The following MACROD2 variants were observed in gnomAD, a reference collection of about 807,000 sequenced individuals.
The protein encoded by MACROD2 is ADP-ribose glycohydrolase MACROD2.
MACROD2 carries 36 observed loss-of-function variants against 70.4 expected under a neutral mutation model. The observed-to-expected ratio is 0.51, with a 90% CI of 0.39 to 0.68. The LOEUF is 0.68. MACROD2 is among the 30% of genes least tolerant of loss of function. The pLI is 0.00. For missense variants in MACROD2, 496 were observed against 538.4 expected (o/e 0.92, Z 0.78); for synonymous variants, 172 against 178.8 (o/e 0.96, Z 0.30).
intron 5 of MACROD2, among the ~76,000 whole-genome samples, chr20:15,158,822 G>C (rs906166520): frequency 6.6e-6 from 1 of 152,114 alleles, no homozygotes; most frequent in Non-Finnish European, 1.5e-5. Flanking sequence ...GACACTAATG[G>C]AATATAAAGT....
intron 8 of MACROD2, among the ~76,000 whole-genome samples, chr20:15,500,232 G>T (rs1427272260): frequency 6.6e-6 from 1 of 152,128 alleles, no homozygotes; most frequent in Non-Finnish European, 1.5e-5. Flanking sequence ...TACAGTAATT[G>T]TCTGGTATCT....
chr20:15,648,994 A>G (rs1027869657), intron 8 of MACROD2, among the ~76,000 whole-genome samples: 16 of 152,114 alleles, frequency 1.1e-4, no homozygotes, highest in African/African-American at 3.1e-4. Flanking sequence ...GCCTCAGAAT[A>G]GCTTGTTTTA....
chr20:14,834,116 A>G (rs915465215), intron 5 of MACROD2, among the ~76,000 whole-genome samples: 4 of 152,108 alleles, frequency 2.6e-5, no homozygotes, highest in African/African-American at 4.8e-5. Context: ...AGATATGAAA[A>G]CAAAATTTAC....
intron 5 of MACROD2, among the ~76,000 whole-genome samples, chr20:14,785,913 A>G (rs1228961420): frequency 6.6e-6 from 1 of 152,062 alleles, no homozygotes; most frequent in Non-Finnish European, 1.5e-5. Flanking sequence ...CAAGGAAAAA[A>G]GATTAAAAGG....
intron 5 of MACROD2, among the ~76,000 whole-genome samples, chr20:14,826,450 C>A (rs2072903856): frequency 6.6e-6 from 1 of 152,030 alleles, no homozygotes; most frequent in Admixed American, 6.6e-5. Context: ...TTTTAAGATT[C>A]TGTTTCTGTT....
At chr20:14,954,376 A>G (rs1337361130) in intron 5 of MACROD2, among the ~76,000 whole-genome samples, 1 of 151,004 alleles carries the variant, frequency 6.6e-6, no homozygotes, top group Admixed American at 6.7e-5. Flanking sequence ...AAATGGGAAA[A>G]GGCTGGGACT....
At chr20:14,487,568 C>G (rs2084749747) in intron 3 of MACROD2, among the ~76,000 whole-genome samples, 2 of 152,196 alleles carry the variant, frequency 1.3e-5, no homozygotes, top group Admixed American at 1.3e-4. Context: ...AGAAATATGG[C>G]TTTCCCCTTC....
At chr20:14,322,175 A>AATAT (rs374464781) in intron 3 of MACROD2, among the ~76,000 whole-genome samples, 1,166 of 66,330 alleles carry the variant, frequency 0.018, 113 homozygotes, top group Middle Eastern at 0.054. Flanking sequence ...ATTCTATTGA[A>AATAT]ATATATATAT....
At position 15,193,461 on chromosome 20, in the gene MACROD2, A is replaced by G. The variant is rs181338678; in HGVS notation, c.419-36479A>G. On this transcript the variant is annotated intron_variant, in intron 5 of 17. Transcript: ENST00000684519. ...AGTTTGAGACTAGCCTGGGCAACAT[A>G]GCAAGACCCCATGCCTACAAATATA... Among the ~76,000 whole-genome samples, 3 of 152,192 alleles carry G rather than the reference A, an allele frequency of 2.0e-5. No individual in the cohort carries two copies. In the East Asian group the frequency reaches 5.8e-4, roughly 29 times the overall value.
chr20:15,077,836 T>C (rs1282000210), intron 5 of MACROD2, among the ~76,000 whole-genome samples: 3 of 152,148 alleles, frequency 2.0e-5, no homozygotes, highest in Non-Finnish European at 4.4e-5. Context: ...AGAGGGACCA[T>C]AGCAGGGAGC....
At chr20:15,778,739 G>T (rs1281029030) in intron 8 of MACROD2, among the ~76,000 whole-genome samples, 4 of 151,972 alleles carry the variant, frequency 2.6e-5, no homozygotes, top group South Asian at 4.2e-4. Context: ...TGCCATTTCA[G>T]CATGAGAAGG....
chr20:14,535,393 T>C (rs1305133228), intron 4 of MACROD2, among the ~76,000 whole-genome samples: 2 of 149,256 alleles, frequency 1.3e-5, no homozygotes, highest in African/African-American at 2.5e-5. Flanking sequence ...TAATCCCAGC[T>C]ACTCCGAAGG....
intron 4 of MACROD2, among the ~76,000 whole-genome samples, chr20:14,619,507 G>C (rs1329967374): frequency 7.7e-6 from 1 of 130,292 alleles, no homozygotes; most frequent in East Asian, 2.7e-4. Context: ...GAGGAAGGAA[G>C]GAGGAAAGGA....
At chr20:14,228,881 C>G (rs2081771634) in intron 3 of MACROD2, among the ~76,000 whole-genome samples, 1 of 151,552 alleles carries the variant, frequency 6.6e-6, no homozygotes, top group Non-Finnish European at 1.5e-5. Flanking sequence ...GTGGCACACG[C>G]CCATAATCCC....
At chr20:15,706,601 A>G (rs1046122797) in intron 8 of MACROD2, among the ~76,000 whole-genome samples, 1 of 152,228 alleles carries the variant, frequency 6.6e-6, no homozygotes, top group African/African-American at 2.4e-5. Flanking sequence ...TAGAAAAGGA[A>G]TTTTACACGT....
intron 8 of MACROD2, among the ~76,000 whole-genome samples, chr20:15,558,799 A>G (rs1017322839): frequency 6.6e-6 from 1 of 152,214 alleles, no homozygotes; most frequent in African/African-American, 2.4e-5. Flanking sequence ...TAAAAATGTT[A>G]CTGAAGCCCT....
chr20:16,034,044 A>G (rs1601356095), intron 15 of MACROD2, among the ~76,000 whole-genome samples: 1 of 152,022 alleles, frequency 6.6e-6, no homozygotes, highest in African/African-American at 2.4e-5. Context: ...TTTTAAGAGC[A>G]AGTGTTTACC....
In MACROD2 at chr20:15,585,418, G is replaced by A. The variant is rs560163507; in HGVS notation, c.645+85571G>A. On this transcript the variant is annotated intron_variant, in intron 8 of 17. Transcript: ENST00000684519. Reference sequence around the variant, plus strand: ...TTACCATGCTGCCCAGGCTGGTCTCGAGCTCCTGACCTCGTGATCCACCCA... The same window carrying A: ...TTACCATGCTGCCCAGGCTGGTCTCAAGCTCCTGACCTCGTGATCCACCCA... 9.3e-4 allele frequency among the ~76,000 whole-genome samples: 141 copies of A among 151,966 alleles called. 1 individual carries two copies. Among genetic ancestry groups the A allele is most frequent in the African/African-American group, 3.2e-3 (131 of 41,446 alleles).
chr20:15,460,993 TATATA>T lies in MACROD2; in HGVS notation c.571+29559_571+29563del, dbSNP rs1568825055. The stretch of plus-strand genomic sequence containing the variant: ...CTCTCTCTCCATATATATATATATA[TATATA>T]TATATATATTTTTTTTTAATAGATG... On this transcript the variant is annotated intron_variant, in intron 7 of 17. Coordinates refer to ENST00000684519, the MANE Select transcript of MACROD2 (RefSeq NM_001351661.2). Among the ~76,000 whole-genome samples the T allele has an allele frequency of 2.5e-4, 20 of 81,560 alleles. 1 individual carries two copies. The South Asian group carries it at 7.6e-3, about 31-fold the overall frequency. The allele number at this position is 81,560 out of a possible 152,430, so 53.5% of individuals were successfully genotyped here. A position where few individuals can be genotyped will look rare whatever the true frequency, so the allele number is the denominator to read the frequency against.
Sources: allele counts gnomAD v4.1 joint callset (sites outside exome capture counted in the v4.1 genomes callset), GRCh38; gene constraint gnomAD v4.1.1; transcripts MANE v1.5; gene names NCBI Gene and HGNC (gene_info 2026-07-23, HGNC 2026-07-21).